UBAP1: variants seen among roughly 807,000 people sequenced by gnomAD.
UBAP1 encodes ubiquitin associated protein 1.
A neutral mutation model predicts 39.0 loss-of-function variants in UBAP1; 5 were observed. The observed-to-expected ratio is 0.13, with a 90% CI of 0.07 to 0.27. The LOEUF is 0.27. UBAP1 is among the 10% of genes least tolerant of loss of function. UBAP1 has a pLI of 1.00. For missense variants in UBAP1, 490 were observed against 608.1 expected (o/e 0.81, Z 2.04); for synonymous variants, 211 against 225.1 (o/e 0.94, Z 0.56).
intron 2 of UBAP1, chr9:34,224,563 G>A: frequency 2.2e-6 from 1 of 447,644 alleles, no homozygotes; most frequent in Non-Finnish European, 3.8e-6. Flanking sequence ...TCCGCTTCTT[G>A]TGGTAGGGCT....
intron 1 of UBAP1, among the ~76,000 whole-genome samples, chr9:34,185,675 G>A (rs1437502607): frequency 2.0e-5 from 3 of 152,068 alleles, no homozygotes; most frequent in East Asian, 1.9e-4. Context: ...GTGAAACCCC[G>A]TCTCTACTAA....
intron 1 of UBAP1, among the ~76,000 whole-genome samples, chr9:34,193,759 C>T (rs754515556): frequency 3.3e-5 from 5 of 152,130 alleles, no homozygotes; most frequent in Non-Finnish European, 7.3e-5. Flanking sequence ...TCTTGGGGCA[C>T]CACCATCCAG....
Position 34,220,938 on chromosome 9 carries a change from A to G in UBAP1, c.24A>G (p.Ala8=), listed in dbSNP as rs916796681. The G allele has an allele frequency of 1.5e-5, 24 of 1,613,340 alleles. No homozygotes were observed. The highest frequency in any genetic ancestry group is 1.9e-5 in the Non-Finnish European group (23 of 1,179,594). Residue 8 remains alanine, a synonymous_variant, in exon 2 of 7, where the codon GCA becomes GCG. Transcript: ENST00000297661. ...AAATGGCTTCTAAGAAGTTGGGTGC[A>G]GATTTTCATGGTAAGTGGACTATTA... MASKKLG[A]DFHGTFSYLD... is the part of the protein sequence containing the mutation.
intron 2 of UBAP1, among the ~76,000 whole-genome samples, chr9:34,226,105 TTGTGTGTGTGTGTGTGTG>T (rs74180553): frequency 0.22 from 19,214 of 88,260 alleles, 1,668 homozygotes; most frequent in South Asian, 0.4. Flanking sequence ...TCCTACTCTA[TTGTGTGTGTGTGTGTGTG>T]TGTGTGTGTG....
rs539635700 is a variant in UBAP1, at chr9:34,237,029, G to A, written c.159+2689G>A. Among the ~76,000 whole-genome samples, 9 of 152,124 alleles carry A rather than the reference G, an allele frequency of 5.9e-5. No homozygotes were observed. The East Asian group carries it at 1.7e-3, about 29-fold the overall frequency. On this transcript the variant is annotated intron_variant, in intron 3 of 6. Coordinates refer to ENST00000297661, the MANE Select transcript of UBAP1 (RefSeq NM_016525.5). ...GGAATATTCTTTTTCTCACTATACT[G>A]AAAACTCCGTTCAAATCTATTCTAG...
intron 4 of UBAP1, among the ~76,000 whole-genome samples, chr9:34,248,194 C>T (rs1468546067): frequency 6.6e-6 from 1 of 152,106 alleles, no homozygotes; most frequent in South Asian, 2.1e-4. Context: ...TGCCACCACA[C>T]CCGGCTGATT....
In UBAP1 at chr9:34,213,707, A is replaced by C. The variant is rs558453716; in HGVS notation, c.-7-7201A>C. Among the ~76,000 whole-genome samples, 11 of 152,282 alleles carry C rather than the reference A, an allele frequency of 7.2e-5. No homozygotes were observed. The South Asian group carries it at 2.1e-3, about 29-fold the overall frequency. On this transcript the variant is annotated intron_variant, in intron 1 of 6. Coordinates refer to ENST00000297661, the MANE Select transcript of UBAP1 (RefSeq NM_016525.5). Reference sequence around the variant, plus strand: ...AAGGGAAAGAAAGAAAGGGCATCCAAACTGGTAAAGAGGAAGTCAAACTGT... The same window carrying C: ...AAGGGAAAGAAAGAAAGGGCATCCACACTGGTAAAGAGGAAGTCAAACTGT...
rs556493541 is a variant in UBAP1 at position 34,197,830 on chromosome 9, G to A, written c.-8+18590G>A. ...CTCCTGAAGTGCTAGGATTACAGGC[G>A]TGAGCCACTACACTTGGCCTCCTTG... On this transcript the variant is annotated intron_variant, in intron 1 of 6. Transcript: ENST00000297661. Among the ~76,000 whole-genome samples the A allele has an allele frequency of 2.0e-5, 3 of 152,320 alleles. 1 individual carries two copies. The highest frequency in any genetic ancestry group is 4.8e-5 in the African/African-American group (2 of 41,574).
At chr9:34,182,952 G>A (rs1830173905) in intron 1 of UBAP1, among the ~76,000 whole-genome samples, 1 of 151,738 alleles carries the variant, frequency 6.6e-6, no homozygotes. Flanking sequence ...CTAATTTTTT[G>A]TAGTTTTAGT....
At chr9:34,183,606 G>GA (rs931939134) in intron 1 of UBAP1, among the ~76,000 whole-genome samples, 1 of 138,652 alleles carries the variant, frequency 7.2e-6, no homozygotes, top group South Asian at 2.3e-4. Flanking sequence ...TAAAAAAAAA[G>GA]AAAAAAACTC....
At chr9:34,213,138 C>A (rs899183160) in intron 1 of UBAP1, among the ~76,000 whole-genome samples, 2 of 152,154 alleles carry the variant, frequency 1.3e-5, no homozygotes, top group African/African-American at 4.8e-5. Context: ...AAGCATTTGA[C>A]AAAATCCAGC....
At chr9:34,248,943 G>T (rs1304527475) in intron 4 of UBAP1, among the ~76,000 whole-genome samples, 2 of 152,224 alleles carry the variant, frequency 1.3e-5, no homozygotes, top group East Asian at 1.9e-4. Flanking sequence ...TGGCCTGGGA[G>T]TGTGCTGTCT....
At chr9:34,234,633 T>A (rs1369171310) in intron 3 of UBAP1, among the ~76,000 whole-genome samples, 1 of 151,582 alleles carries the variant, frequency 6.6e-6, no homozygotes, top group African/African-American at 2.4e-5. Context: ...GAAAAAAAAA[T>A]GATAGATATA....
At chr9:34,179,699 C>G (rs1829907173) in intron 1 of UBAP1, among the ~76,000 whole-genome samples, 1 of 151,954 alleles carries the variant, frequency 6.6e-6, no homozygotes, top group African/African-American at 2.4e-5. Context: ...GGAGACTAGA[C>G]CAGAGGTGAG....
chr9:34,179,128 G>T lies in UBAP1; in HGVS notation c.-120G>T. The T allele has an allele frequency of 7.9e-7, 1 of 1,266,354 alleles. No homozygotes were observed. 78.4% of individuals were successfully genotyped at this position (1,266,354 alleles called of 1,614,324 possible). On this transcript the variant is annotated 5_prime_UTR_variant, in exon 1 of 7. Transcript: ENST00000297661. ...CCCGGAGCGGGCAGAGTTGGAGGTG[G>T]TGGCGTTCGCTCTCCCTAGGGGCTG...
At chr9:34,221,256 G>T (rs1346018615) in intron 2 of UBAP1, among the ~76,000 whole-genome samples, 1 of 152,088 alleles carries the variant, frequency 6.6e-6, no homozygotes, top group South Asian at 2.1e-4. Context: ...CTGGCTGGGC[G>T]CGGTGGTTCA....
intron 2 of UBAP1, among the ~76,000 whole-genome samples, chr9:34,226,367 G>C (rs1372480140): frequency 6.6e-6 from 1 of 151,734 alleles, no homozygotes; most frequent in Non-Finnish European, 1.5e-5. Flanking sequence ...CCCCTGAGTA[G>C]CTGGGATTAT....
chr9:34,224,041 T>C (rs570277543), intron 2 of UBAP1: 73 of 547,286 alleles, frequency 1.3e-4, no homozygotes, highest in South Asian at 7.7e-4. Context: ...CCTTCCCCTC[T>C]AGCACATAGC....
intron 2 of UBAP1, among the ~76,000 whole-genome samples, chr9:34,228,736 A>AT (rs55715947): frequency 0.13 from 18,677 of 140,822 alleles, 1,482 homozygotes; most frequent in Non-Finnish European, 0.18. Flanking sequence ...TGCCTAGCTA[A>AT]TTTTTTTTTT....
Sources: allele counts gnomAD v4.1 joint callset (sites outside exome capture counted in the v4.1 genomes callset), GRCh38; gene constraint gnomAD v4.1.1; transcripts MANE v1.5; gene names NCBI Gene and HGNC (gene_info 2026-07-23, HGNC 2026-07-21).